SLIT3: variants seen among roughly 807,000 people sequenced by gnomAD.
SLIT3 encodes the protein slit homolog 3 protein.
A neutral mutation model predicts 184.0 loss-of-function variants in SLIT3; 68 were observed. That is an observed-to-expected ratio of 0.37 (90% CI 0.30 to 0.45). The LOEUF (loss-of-function observed/expected upper bound fraction) is 0.45. Among genes scored for constraint, SLIT3 ranks in the 20% least tolerant of loss-of-function variants. The probability of loss-of-function intolerance (pLI) is 1.00; values close to 1 mark genes in which losing one functional copy is unlikely to be tolerated. For synonymous variants in SLIT3, 831 were observed against 828.6 expected (o/e 1.00, Z -0.05); for missense variants, 1,707 against 2,026.0 (o/e 0.84, Z 3.02).
intron 4 of SLIT3, among the ~76,000 whole-genome samples, chr5:169,150,273 G>A (rs1156305408): frequency 2.0e-5 from 3 of 152,062 alleles, no homozygotes; most frequent in East Asian, 1.9e-4. Flanking sequence ...GGCACTTCAC[G>A]GCAGAGAAAA....
intron 19 of SLIT3, among the ~76,000 whole-genome samples, chr5:168,749,236 T>C (rs2113460728): frequency 2.0e-5 from 3 of 152,350 alleles, no homozygotes; most frequent in Admixed American, 2.0e-4. Context: ...ATCAATATAT[T>C]ATGACAGATT....
intron 14 of SLIT3, among the ~76,000 whole-genome samples, chr5:168,765,226 AG>A (rs1410748831): frequency 6.6e-6 from 1 of 152,208 alleles, no homozygotes; most frequent in Admixed American, 6.5e-5. Context: ...AATCAAGGTG[AG>A]AGCAGCCTGT....
intron 4 of SLIT3, among the ~76,000 whole-genome samples, chr5:169,169,189 G>A (rs1023779688): frequency 1.3e-5 from 2 of 152,160 alleles, no homozygotes; most frequent in African/African-American, 4.8e-5. Flanking sequence ...AATGTGCTCC[G>A]TTCCCTGTCC....
Position 168,687,118 on chromosome 5 carries a change from T to C in SLIT3, c.3177-2A>G. The stretch of plus-strand genomic sequence containing the variant: ...CTGTAGCCAGGGACACACTCGCAGC[T>C]GGAACATAGGCAGAGGCAAGGCCGT... On this transcript the variant is annotated splice_acceptor_variant, in intron 29 of 35. Coordinates refer to ENST00000519560, the MANE Select transcript of SLIT3 (RefSeq NM_003062.4). LOFTEE classifies it high-confidence loss of function. 6.2e-7 allele frequency: 1 copy of C among 1,613,448 alleles called. No individual in the cohort carries two copies. Among genetic ancestry groups the C allele is most frequent in the Non-Finnish European group, 8.5e-7 (1 of 1,179,356 alleles).
intron 3 of SLIT3, among the ~76,000 whole-genome samples, chr5:169,216,730 T>A (rs1275974473): frequency 1.3e-5 from 2 of 152,114 alleles, no homozygotes; most frequent in African/African-American, 4.8e-5. Context: ...CAAAAGCAAA[T>A]AACTCATTGA....
chr5:168,710,212 T>C (rs1762510023), intron 25 of SLIT3: 1 of 152,182 alleles, frequency 6.6e-6, no homozygotes, highest in Non-Finnish European at 1.5e-5. Context: ...TAAGCCTCAA[T>C]TTTCTCATTT....
intron 26 of SLIT3, chr5:168,706,625 C>T (rs1366783532): frequency 1.3e-5 from 2 of 152,170 alleles, no homozygotes; most frequent in Non-Finnish European, 2.9e-5. Context: ...TTAGTCTCTT[C>T]TCTGATTTTT....
intron 20 of SLIT3, among the ~76,000 whole-genome samples, chr5:168,744,694 T>C (rs952539107): frequency 9.8e-5 from 15 of 152,366 alleles, no homozygotes; most frequent in South Asian, 6.2e-4. Context: ...TGATGGCATG[T>C]CTGTTTATGG....
chr5:169,078,832 C>T (rs1238778652), intron 4 of SLIT3, among the ~76,000 whole-genome samples: 2 of 152,164 alleles, frequency 1.3e-5, no homozygotes, highest in African/African-American at 4.8e-5. Context: ...GGAAAACAAA[C>T]CCAATTCCTG....
intron 4 of SLIT3, among the ~76,000 whole-genome samples, chr5:169,095,682 T>C (rs924393008): frequency 1.3e-5 from 2 of 152,186 alleles, no homozygotes; most frequent in Non-Finnish European, 2.9e-5. Context: ...TTCCCTCCCA[T>C]GCATCACCTT....
rs184430816 is a variant in SLIT3 at position 168,910,708 on chromosome 5, T to C, written c.414-27372A>G. Among the ~76,000 whole-genome samples, 402 of 147,286 alleles carry C rather than the reference T, an allele frequency of 2.7e-3. 2 individuals are homozygous for C. The highest frequency in any genetic ancestry group is 9.6e-3 in the African/African-American group (379 of 39,656). On this transcript the variant is annotated intron_variant, in intron 4 of 35. Coordinates refer to ENST00000519560, the MANE Select transcript of SLIT3 (RefSeq NM_003062.4). ...TTGCAGTGAGCCGAGATGGCACCAC[T>C]GCACTCCAGCCTGGGCGACAGAGTG...
At chr5:169,238,741 A>G (rs1311717476) in intron 3 of SLIT3, among the ~76,000 whole-genome samples, 1 of 151,992 alleles carries the variant, frequency 6.6e-6, no homozygotes, top group Admixed American at 6.6e-5. Context: ...TTTCTTACCA[A>G]TGTTAGACCT....
intron 4 of SLIT3, among the ~76,000 whole-genome samples, chr5:168,895,747 A>C (rs1349156028): frequency 6.6e-6 from 1 of 152,238 alleles, no homozygotes; most frequent in Non-Finnish European, 1.5e-5. Context: ...ATGTGCTGAT[A>C]TTGACTACAG....
chr5:168,912,960 G>A (rs892932516), intron 4 of SLIT3, among the ~76,000 whole-genome samples: 3 of 152,114 alleles, frequency 2.0e-5, no homozygotes, highest in African/African-American at 7.2e-5. Flanking sequence ...CACCCTGTCT[G>A]GCTGGTTTCC....
At chr5:168,682,107 G>A (rs879803754) in intron 32 of SLIT3, among the ~76,000 whole-genome samples, 3 of 152,226 alleles carry the variant, frequency 2.0e-5, no homozygotes, top group African/African-American at 4.8e-5. Flanking sequence ...GGACACAGAT[G>A]TTAGGCGGCC....
intron 4 of SLIT3, among the ~76,000 whole-genome samples, chr5:169,111,335 T>C (rs1360860587): frequency 1.3e-5 from 2 of 152,248 alleles, no homozygotes; most frequent in Non-Finnish European, 2.9e-5. Flanking sequence ...GCTTTTTCTG[T>C]AAATGATAAG....
At chr5:169,122,428 C>A (rs1227458987) in intron 4 of SLIT3, among the ~76,000 whole-genome samples, 2 of 152,144 alleles carry the variant, frequency 1.3e-5, no homozygotes, top group Non-Finnish European at 2.9e-5. Context: ...AGCTCTGGTA[C>A]CTGGAGTATT....
intron 4 of SLIT3, among the ~76,000 whole-genome samples, chr5:169,157,042 C>G (rs1762334424): frequency 6.6e-6 from 1 of 152,150 alleles, no homozygotes; most frequent in South Asian, 2.1e-4. Flanking sequence ...TCTGGCCCCC[C>G]CCACCTCCAC....
At chr5:169,203,127 T>A (rs913862183) in intron 3 of SLIT3, among the ~76,000 whole-genome samples, 6 of 152,132 alleles carry the variant, frequency 3.9e-5, no homozygotes, top group African/African-American at 1.4e-4. Context: ...AGTTCCAGGA[T>A]GGCTGACTCA....
Sources: gnomAD v4.1 joint callset for allele counts (sites outside exome capture counted in the v4.1 genomes callset) on GRCh38, gnomAD v4.1.1 for gene constraint, MANE v1.5 for transcripts, NCBI Gene and HGNC (gene_info 2026-07-23, HGNC 2026-07-21) for gene names.